PRKN: variants seen among roughly 807,000 people sequenced by gnomAD.
PRKN encodes E3 ubiquitin-protein ligase parkin.
A neutral mutation model predicts 59.5 loss-of-function variants in PRKN; 56 were observed. That is an observed-to-expected ratio of 0.94 (90% CI 0.76 to 1.18). The LOEUF (loss-of-function observed/expected upper bound fraction) is 1.18, where lower values mean the gene tolerates loss of function less well. Ranked by LOEUF, PRKN falls within the 50% of genes most tolerant of loss-of-function variation. PRKN has a pLI of 0.00. For missense variants in PRKN, 657 were observed against 596.4 expected (o/e 1.10, Z -1.06); for synonymous variants, 250 against 222.1 (o/e 1.13, Z -1.12).
intron 9 of PRKN, among the ~76,000 whole-genome samples, chr6:161,418,736 GAAC>G (rs1284291479): frequency 6.6e-6 from 1 of 152,146 alleles, no homozygotes; most frequent in African/African-American, 2.4e-5. Context: ...GCTGAAGTGT[GAAC>G]AACAATTCAC....
intron 5 of PRKN, among the ~76,000 whole-genome samples, chr6:162,021,146 A>AT (rs111244809): frequency 4.9e-4 from 7 of 14,242 alleles, no homozygotes; most frequent in Non-Finnish European, 9.4e-4. Flanking sequence ...ATATATATAT[A>AT]TATATATATA....
chr6:161,588,245 G>A lies in PRKN; in HGVS notation c.872-18829C>T, dbSNP rs144306700. Among the ~76,000 whole-genome samples, 9,526 of 152,110 alleles carry A rather than the reference G, an allele frequency of 0.063. 1,021 individuals carry two copies. Among genetic ancestry groups the A allele is most frequent in the African/African-American group, 0.22 (9,013 of 41,444 alleles). Reference sequence around the variant, plus strand: ...CTAAAAATGCAAAAATCAGCCAGGCGTGGTGGCTCATGCCTATAATCCCAG... The same window carrying A: ...CTAAAAATGCAAAAATCAGCCAGGCATGGTGGCTCATGCCTATAATCCCAG... On this transcript the variant is annotated intron_variant, in intron 7 of 11. Transcript: ENST00000366898. The surrounding 1 kb of genome is among the most constrained non-coding windows in gnomAD (Gnocchi z 5.0).
chr6:162,432,640 C>T (rs1263854594), intron 2 of PRKN, among the ~76,000 whole-genome samples: 1 of 152,140 alleles, frequency 6.6e-6, no homozygotes, highest in Non-Finnish European at 1.5e-5. Context: ...TTTCAGTGTA[C>T]TACAAAATGA....
intron 9 of PRKN, among the ~76,000 whole-genome samples, chr6:161,452,959 A>C (rs1789805972): frequency 6.6e-6 from 1 of 152,100 alleles, no homozygotes; most frequent in Non-Finnish European, 1.5e-5. Context: ...CTTAAGATAT[A>C]AATATATTTC....
At chr6:162,653,675 C>T (rs771308497) in intron 1 of PRKN, among the ~76,000 whole-genome samples, 13 of 152,040 alleles carry the variant, frequency 8.6e-5, no homozygotes, top group Non-Finnish European at 8.8e-5. Context: ...TTTTCCCTTG[C>T]ATAAAAGACA....
At chr6:161,490,752 T>C (rs1047312920) in intron 9 of PRKN, among the ~76,000 whole-genome samples, 3 of 152,114 alleles carry the variant, frequency 2.0e-5, no homozygotes, top group Admixed American at 6.5e-5. Flanking sequence ...CCAAATCTCA[T>C]GTCAAATTGT....
intron 1 of PRKN, among the ~76,000 whole-genome samples, chr6:162,462,382 T>C (rs1352128715): frequency 6.6e-6 from 1 of 152,222 alleles, no homozygotes; most frequent in Non-Finnish European, 1.5e-5. Context: ...AGAGTGATTG[T>C]ATATGGTTTC....
intron 1 of PRKN, among the ~76,000 whole-genome samples, chr6:162,618,272 C>CAT (rs1397830163): frequency 6.6e-6 from 1 of 152,004 alleles, no homozygotes; most frequent in Non-Finnish European, 1.5e-5. Context: ...CTTATCAATG[C>CAT]ATGGATAATG....
chr6:162,043,303 C>G (rs2849563), intron 5 of PRKN, among the ~76,000 whole-genome samples: 151,102 of 152,318 alleles, frequency 0.99, 74,979 homozygotes, highest in Middle Eastern at 1. Flanking sequence ...AGGAAAAAAT[C>G]ACAATGCTGG....
intron 5 of PRKN, among the ~76,000 whole-genome samples, chr6:161,979,644 A>G (rs1467483249): frequency 6.6e-6 from 1 of 152,170 alleles, no homozygotes; most frequent in African/African-American, 2.4e-5. Context: ...TAGAAAGGCT[A>G]CTCATGCTTT....
rs144683431 is a variant in PRKN, at chr6:161,392,337, T to C, written c.1084-5460A>G. Among the ~76,000 whole-genome samples the C allele has an allele frequency of 2.2e-3, 338 of 151,992 alleles. 4 individuals carry two copies. In the East Asian group the frequency reaches 0.049, roughly 22 times the overall value. ...AGGCGGAGGTTGCAGTGAGCCAAGATTGTGCCATTGCACTCCAGCCTGGGT... is the reference window on the plus strand; with the variant it reads ...AGGCGGAGGTTGCAGTGAGCCAAGACTGTGCCATTGCACTCCAGCCTGGGT... On this transcript the variant is annotated intron_variant, in intron 9 of 11. Transcript: ENST00000366898.
Position 161,456,499 on chromosome 6 carries a change from T to C in PRKN, c.1084-69622A>G, listed in dbSNP as rs1789975882. On this transcript the variant is annotated intron_variant, in intron 9 of 11. Transcript: ENST00000366898. The surrounding 1 kb of genome is among the most constrained non-coding windows in gnomAD (Gnocchi z 4.8). Reference sequence around the variant, plus strand: ...AGACCGGCTTCCTTGCTCCTCAGCTTGCAGACAGTCTATTGTGGGACTTCT... The same window carrying C: ...AGACCGGCTTCCTTGCTCCTCAGCTCGCAGACAGTCTATTGTGGGACTTCT... Among the ~76,000 whole-genome samples the C allele has an allele frequency of 6.6e-6, 1 of 152,188 alleles. No homozygotes were observed. Among genetic ancestry groups the C allele is most frequent in the Admixed American group, 6.5e-5 (1 of 15,284 alleles).
intron 5 of PRKN, among the ~76,000 whole-genome samples, chr6:162,039,088 G>A (rs548385836): frequency 6.9e-4 from 105 of 151,920 alleles, no homozygotes; most frequent in African/African-American, 2.4e-3. Flanking sequence ...CCCAGGAGGC[G>A]CAGCTTGCAG....
chr6:162,320,896 T>C (rs1782992948), intron 2 of PRKN, among the ~76,000 whole-genome samples: 1 of 150,204 alleles, frequency 6.7e-6, no homozygotes, highest in Admixed American at 6.6e-5. Flanking sequence ...GCTAAAGCAA[T>C]ATGCAAAGAA....
intron 1 of PRKN, among the ~76,000 whole-genome samples, chr6:162,671,553 C>T (rs1779320509): frequency 6.6e-6 from 1 of 150,550 alleles, no homozygotes; most frequent in African/African-American, 2.4e-5. Flanking sequence ...GCCATCATCC[C>T]TCAGGGCTAC....
chr6:161,634,296 G>A (rs1383194216), intron 7 of PRKN, among the ~76,000 whole-genome samples: 1 of 152,192 alleles, frequency 6.6e-6, no homozygotes, highest in African/African-American at 2.4e-5. Flanking sequence ...TCCCCCTGAA[G>A]GCCTGTAGCA....
intron 2 of PRKN, among the ~76,000 whole-genome samples, chr6:162,431,451 C>T (rs1221260797): frequency 6.6e-6 from 1 of 152,006 alleles, no homozygotes; most frequent in Non-Finnish European, 1.5e-5. Flanking sequence ...GGTCAGGAGG[C>T]TGAGGCAGGA....
At chr6:162,177,795 C>T (rs1161004890) in intron 4 of PRKN, among the ~76,000 whole-genome samples, 1 of 152,122 alleles carries the variant, frequency 6.6e-6, no homozygotes, top group East Asian at 1.9e-4. Context: ...AATCCAGTGG[C>T]AGCTGCCAGA....
At chr6:161,686,335 G>T (rs1785552365) in intron 7 of PRKN, among the ~76,000 whole-genome samples, 1 of 152,096 alleles carries the variant, frequency 6.6e-6, no homozygotes. Context: ...GGTGTGGGTG[G>T]CATGATACAG....
Sources: allele counts gnomAD v4.1 joint callset (sites outside exome capture counted in the v4.1 genomes callset), GRCh38; gene constraint gnomAD v4.1.1; non-coding constraint Gnocchi (gnomAD v3.1); transcripts MANE v1.5; gene names NCBI Gene and HGNC (gene_info 2026-07-23, HGNC 2026-07-21).